Variants in MISP observed in about 807,000 individuals in gnomAD.
MISP encodes mitotic interactor and substrate of PLK1.
Under a neutral mutation model 49.3 loss-of-function variants are expected in MISP, and 51 were observed. The ratio of observed to expected loss-of-function variants is 1.03; its 90% confidence interval spans 0.83 to 1.31. The LOEUF (loss-of-function observed/expected upper bound fraction) is 1.31. Ranked by LOEUF, MISP falls within the 50% of genes most tolerant of loss-of-function variation. MISP has a pLI of 0.00. For synonymous variants in MISP, 444 were observed against 392.6 expected, an observed-to-expected ratio of 1.13 and a Z score of -1.55; for missense variants, 1,084 against 935.1, an observed-to-expected ratio of 1.16 and a Z score of -2.08.
At chr19:755,764 T>C (rs2033540049) in intron 1 of MISP, among the ~76,000 whole-genome samples, 1 of 152,066 alleles carries the variant, frequency 6.6e-6, no homozygotes, top group Non-Finnish European at 1.5e-5. Context: ...AGACCTCGTC[T>C]CTACTAAAAA....
Position 757,868 on chromosome 19 carries a change from C to G in MISP, c.922C>G (p.Arg308Gly), listed in dbSNP as rs201898919. Residue 308 changes from arginine to glycine, a missense_variant, in exon 2 of 5, where the codon CGA becomes GGA. Arg to Gly is a moderately radical substitution (Grantham distance 125). Transcript: ENST00000215582. ...GGCTCAGGAGCGTGAGGCAGACCTG[C>G]GAGAGCAGAGGGGGCTTCGGCAGGC... ...RLAQEREADL[R>G]EQRGLRQATD... 1 of 1,609,906 alleles carries G rather than the reference C, an allele frequency of 6.2e-7. No individual in the cohort carries two copies. Among genetic ancestry groups the G allele is most frequent in the Non-Finnish European group, 8.5e-7 (1 of 1,179,712 alleles).
rs2033647163 is a variant in MISP, at chr19:759,996, C to T, written c.1868C>T (p.Pro623Leu). 6.2e-7 allele frequency: 1 copy of T among 1,614,040 alleles called. No individual in the cohort carries two copies. The highest frequency in any genetic ancestry group is 8.5e-7 in the Non-Finnish European group (1 of 1,179,942). Residue 623 changes from proline to leucine, a missense_variant, in exon 3 of 5, where the codon CCA (proline) becomes CTA (leucine). Pro to Leu is a moderately conservative substitution (Grantham distance 98). Transcript: ENST00000215582. ...HSNVAWTVEDPVDSAPPGQRK... is the reference protein window; with the variant it reads ...HSNVAWTVEDLVDSAPPGQRK... ...AACGTGGCGTGGACAGTGGAAGATC[C>T]AGTGGACAGTGCTCCTCCCGGGCAG...
At chr19:760,960 T>TAACAACA (rs1218915410) in intron 3 of MISP, among the ~76,000 whole-genome samples, 1 of 152,030 alleles carries the variant, frequency 6.6e-6, no homozygotes, top group Non-Finnish European at 1.5e-5. Context: ...GCCTTGTTGT[T>TAACAACA]AGACATGTAA....
rs771512854 is a variant in MISP at position 758,052 on chromosome 19, G to A, written c.1106G>A (p.Gly369Asp). 7.7e-6 allele frequency: 12 copies of A among 1,568,420 alleles called. No individual in the cohort carries two copies. Among genetic ancestry groups the A allele is most frequent in the South Asian group, 1.2e-5 (1 of 84,906 alleles). ...TQREEDHRREGLHVGRASTPD... is the reference protein window; with the variant it reads ...TQREEDHRREDLHVGRASTPD... ...CGTGAGGAAGACCACCGGCGGGAGG[G>A]CCTGCACGTGGGCCGGGCGTCCACA... Residue 369 changes from glycine to aspartate, a missense_variant, in exon 2 of 5, where the codon GGC (glycine) becomes GAC (aspartate). Gly to Asp is a moderately conservative substitution (Grantham distance 94). Transcript: ENST00000215582.
chr19:757,858 G>C lies in MISP; in HGVS notation c.912G>C (p.Glu304Asp), dbSNP rs778919064. Reference sequence around the variant, plus strand: ...AGATCCGTCTGGCTCAGGAGCGTGAGGCAGACCTGCGAGAGCAGAGGGGGC... The same window carrying C: ...AGATCCGTCTGGCTCAGGAGCGTGACGCAGACCTGCGAGAGCAGAGGGGGC... ...EREIRLAQER[E>D]ADLREQRGLR... Residue 304 changes from glutamate (E) to aspartate (D), a missense_variant, in exon 2 of 5, where the codon GAG becomes GAC. By Grantham distance (45) the Glu-to-Asp change is conservative. Transcript: ENST00000215582. 7 of 1,611,080 alleles carry C rather than the reference G, an allele frequency of 4.3e-6. No homozygotes were observed. Among genetic ancestry groups the C allele is most frequent in the Admixed American group, 1.7e-5 (1 of 59,968 alleles).
rs1599185815 is a variant in MISP at position 758,605 on chromosome 19, T to C, written c.1659T>C (p.Ser553=). ...ATCTGCTGGAAAGGGAGAGGGAGAG[T>C]GTCCTGCGCCGGGAGCAAGAGGTGG... ...SSDLLERERE[S]VLRREQEVAE... Residue 553 remains serine (S), a synonymous_variant, in exon 2 of 5, where the codon AGT becomes AGC. Transcript: ENST00000215582. 6.2e-7 allele frequency: 1 copy of C among 1,613,466 alleles called. No individual in the cohort carries two copies. The highest frequency in any genetic ancestry group is 8.5e-7 in the Non-Finnish European group (1 of 1,179,848).
At chr19:761,767 T>C in intron 4 of MISP, 104 bp downstream of exon 4, 1 of 1,248,458 alleles carries the variant, frequency 8.0e-7, no homozygotes, top group Non-Finnish European at 1.2e-6. Context: ...GTGGGGATCG[T>C]ATTGGGTGTC....
chr19:763,412 A>C, intron 4 of MISP, 89 bp from the exon 5 acceptor site: 1 of 878,932 alleles, frequency 1.1e-6, no homozygotes, highest in East Asian at 2.5e-5. Flanking sequence ...CCCCCGTTCT[A>C]GGCCTCTCTA....
chr19:761,559 C>G, intron 3 of MISP, 66 bp from the exon 4 acceptor site: 1 of 1,584,828 alleles, frequency 6.3e-7, no homozygotes, highest in Middle Eastern at 1.7e-4. Flanking sequence ...TGTGTGGGAG[C>G]TCTGGTCGGA....
intron 2 of MISP, among the ~76,000 whole-genome samples, chr19:759,691 C>T (rs113865765): frequency 0.028 from 4,271 of 152,222 alleles, 252 homozygotes; most frequent in African/African-American, 0.098. Context: ...TGAGCCACCG[C>T]GCCCGGCCAC....
chr19:749,130 T>C (rs918596097), upstream of MISP, among the ~76,000 whole-genome samples: 1 of 152,076 alleles, frequency 6.6e-6, no homozygotes, highest in African/African-American at 2.4e-5. Flanking sequence ...AGAGCGAGAC[T>C]CTGTCTCAAA....
chr19:752,896 G>A (rs567750525), intron 1 of MISP, among the ~76,000 whole-genome samples: 2 of 152,338 alleles, frequency 1.3e-5, no homozygotes, highest in Admixed American at 6.5e-5. Flanking sequence ...CAGAAGGCAC[G>A]GTGGAGCCGG....
At chr19:755,573 A>G (rs1016875837) in intron 1 of MISP, among the ~76,000 whole-genome samples, 10 of 152,338 alleles carry the variant, frequency 6.6e-5, no homozygotes, top group African/African-American at 2.4e-4. Flanking sequence ...GAGTGAGCTC[A>G]GGGTGGAAAG....
At chr19:760,218 A>G (rs773912296) in intron 3 of MISP, among the ~76,000 whole-genome samples, 179 bp downstream of exon 3, 1 of 151,772 alleles carries the variant, frequency 6.6e-6, no homozygotes, top group Non-Finnish European at 1.5e-5. Flanking sequence ...GTGTCCTTGT[A>G]TCTCTGGGCT....
chr19:760,987 A>G (rs78698836), intron 3 of MISP, among the ~76,000 whole-genome samples: 4,185 of 150,560 alleles, frequency 0.028, 234 homozygotes, highest in African/African-American at 0.097. Flanking sequence ...ATGTATGTTT[A>G]TCCTCTTGGA....
intron 2 of MISP, among the ~76,000 whole-genome samples, chr19:759,661 A>G (rs956033223): frequency 1.3e-5 from 2 of 151,900 alleles, no homozygotes; most frequent in Admixed American, 6.6e-5. Context: ...CGGCCTCCCA[A>G]AGTGCTGGGA....
chr19:750,924 G>A (rs1474269302), upstream of MISP, among the ~76,000 whole-genome samples: 4 of 152,180 alleles, frequency 2.6e-5, no homozygotes, highest in Non-Finnish European at 4.4e-5. Flanking sequence ...GGCCCTGGGG[G>A]TGGAGGGGCA....
At chr19:761,305 G>C (rs949194947) in intron 3 of MISP, among the ~76,000 whole-genome samples, 3 of 150,974 alleles carry the variant, frequency 2.0e-5, no homozygotes, top group African/African-American at 7.3e-5. Flanking sequence ...GTTGCAGTGA[G>C]CCGAGATCGC....
chr19:757,612 C>T lies in MISP; in HGVS notation c.666C>T (p.Gly222=), dbSNP rs755646340. 2 of 1,612,632 alleles carry T rather than the reference C, an allele frequency of 1.2e-6. No homozygotes were observed. The highest frequency in any genetic ancestry group is 1.7e-5 in the Admixed American group (1 of 59,800). Residue 222 remains glycine, a synonymous_variant, in exon 2 of 5, where the codon GGC becomes GGT. Coordinates refer to ENST00000215582, the MANE Select transcript of MISP (RefSeq NM_173481.4). ...CCCCGGCCAGGGGGACCCCTGCAGGCACAACCCCAGGGGCCAGCCAGGCCC... is the reference window on the plus strand; with the variant it reads ...CCCCGGCCAGGGGGACCCCTGCAGGTACAACCCCAGGGGCCAGCCAGGCCC... ...HSSPARGTPA[G]TTPGASQAPK...
Sources: gnomAD v4.1 joint callset for allele counts (sites outside exome capture counted in the v4.1 genomes callset) on GRCh38, gnomAD v4.1.1 for gene constraint, MANE v1.5 for transcripts, NCBI Gene and HGNC (gene_info 2026-07-23, HGNC 2026-07-21) for gene names.